The following CAMTA1 variants were observed in gnomAD, a reference collection of about 807,000 sequenced individuals.
The protein encoded by CAMTA1 is calmodulin binding transcription activator 1, also known as calmodulin-binding transcription activator 1.
Under a neutral mutation model 170.9 loss-of-function variants are expected in CAMTA1, and 27 were observed. That is an observed-to-expected ratio of 0.16 (90% CI 0.12 to 0.22). CAMTA1 has a LOEUF of 0.22. Among genes scored for constraint, CAMTA1 ranks in the 10% least tolerant of loss-of-function variants. The pLI is 1.00. For synonymous variants in CAMTA1, 833 were observed against 891.5 expected (o/e 0.93, Z 1.17); for missense variants, 1,619 against 2,217.2 (o/e 0.73, Z 5.42).
chr1:7,333,147 A>G lies in CAMTA1; in HGVS notation c.438+83521A>G, dbSNP rs915442593. On this transcript the variant is annotated intron_variant, in intron 5 of 22. Transcript: ENST00000303635. This position sits in a 1 kb window ranked among gnomAD's most constrained non-coding sequence, Gnocchi z 4.4. Reference sequence around the variant, plus strand: ...AGTGGCAGGTCACCCAGTGACTGGCATTCAGGAGCTAAACTGATTGATGGT... The same window carrying G: ...AGTGGCAGGTCACCCAGTGACTGGCGTTCAGGAGCTAAACTGATTGATGGT... Among the ~76,000 whole-genome samples the G allele has an allele frequency of 3.3e-5, 5 of 152,224 alleles. No individual in the cohort carries two copies. The highest frequency in any genetic ancestry group is 9.6e-5 in the African/African-American group (4 of 41,456).
intron 11 of CAMTA1, among the ~76,000 whole-genome samples, chr1:7,684,387 A>T (rs1015706373): frequency 2.0e-5 from 3 of 152,228 alleles, no homozygotes; most frequent in African/African-American, 7.2e-5. Flanking sequence ...TGCCAGACAA[A>T]TGCCCACCAA....
intron 5 of CAMTA1, among the ~76,000 whole-genome samples, chr1:7,442,334 C>T (rs570195005): frequency 2.6e-5 from 4 of 152,296 alleles, no homozygotes; most frequent in African/African-American, 9.6e-5. Flanking sequence ...CAAGTAGGTG[C>T]CTGCTTCCTG....
intron 3 of CAMTA1, among the ~76,000 whole-genome samples, chr1:6,838,998 C>T (rs1654535986): frequency 6.6e-6 from 1 of 152,090 alleles, no homozygotes; most frequent in South Asian, 2.1e-4. Context: ...CTCAAATGAT[C>T]CTCTTGCCTC....
chr1:7,625,133 A>G (rs2095624653), intron 6 of CAMTA1, among the ~76,000 whole-genome samples: 1 of 152,082 alleles, frequency 6.6e-6, no homozygotes, highest in African/African-American at 2.4e-5. Context: ...GAGCCAGGAA[A>G]GGTTAGCAGT....
intron 11 of CAMTA1, among the ~76,000 whole-genome samples, chr1:7,721,717 T>C (rs1482531020): frequency 6.6e-6 from 1 of 152,146 alleles, no homozygotes; most frequent in Non-Finnish European, 1.5e-5. Context: ...GGGATTTATT[T>C]TACCTTATTT....
At chr1:7,341,050 C>T (rs1378667775) in intron 5 of CAMTA1, among the ~76,000 whole-genome samples, 3 of 152,252 alleles carry the variant, frequency 2.0e-5, no homozygotes. Context: ...TGCCAAGACA[C>T]AGCCTTGATG....
chr1:7,494,803 CA>C (rs565682186), intron 6 of CAMTA1, among the ~76,000 whole-genome samples: 1 of 151,258 alleles, frequency 6.6e-6, no homozygotes, highest in African/African-American at 2.4e-5. Flanking sequence ...GACCCTGTCT[CA>C]AAAAAAATAA....
At chr1:7,578,631 C>T (rs1576193193) in intron 6 of CAMTA1, among the ~76,000 whole-genome samples, 3 of 152,326 alleles carry the variant, frequency 2.0e-5, no homozygotes, top group Admixed American at 2.0e-4. Flanking sequence ...GCTGCTCTAA[C>T]AGAAAACCGC....
At chr1:7,237,549 A>G (rs1369864931) in intron 4 of CAMTA1, among the ~76,000 whole-genome samples, 1 of 152,052 alleles carries the variant, frequency 6.6e-6, no homozygotes, top group African/African-American at 2.4e-5. Flanking sequence ...GAGTGTCTAC[A>G]CTTTTTATTT....
intron 5 of CAMTA1, among the ~76,000 whole-genome samples, chr1:7,421,873 G>A (rs1036365244): frequency 4.0e-5 from 6 of 151,888 alleles, no homozygotes; most frequent in South Asian, 2.1e-4. Context: ...ACCCAGCAGC[G>A]CTCACTCCAC....
chr1:7,426,888 G>A lies in CAMTA1; in HGVS notation c.439-40942G>A, dbSNP rs1430541671. 6.6e-6 allele frequency among the ~76,000 whole-genome samples: 1 copy of A among 152,192 alleles called. No homozygotes were observed. The highest frequency in any genetic ancestry group is 1.5e-5 in the Non-Finnish European group (1 of 68,038). On this transcript the variant is annotated intron_variant, in intron 5 of 22. Coordinates refer to ENST00000303635, the MANE Select transcript of CAMTA1 (RefSeq NM_015215.4). The surrounding 1 kb of genome is among the most constrained non-coding windows in gnomAD (Gnocchi z 4.8). ...GGGAGTCAGGTTGAGATGAAATTTG[G>A]TCCTTAAATCTGGCCTGTGTTTTTA... is the stretch of plus-strand genomic sequence containing the variant.
chr1:7,754,294 C>T (rs561263927), intron 21 of CAMTA1, among the ~76,000 whole-genome samples: 1 of 152,324 alleles, frequency 6.6e-6, no homozygotes, highest in East Asian at 1.9e-4. Context: ...CTTCTTTAGG[C>T]CACTTCAGAC....
At chr1:7,646,570 G>A (rs1266505729) in intron 7 of CAMTA1, among the ~76,000 whole-genome samples, 1 of 151,348 alleles carries the variant, frequency 6.6e-6, no homozygotes, top group Non-Finnish European at 1.5e-5. Flanking sequence ...TTGGGTGGAG[G>A]CCCTGGTGAG....
At chr1:6,841,663 G>A (rs1655766734) in intron 3 of CAMTA1, among the ~76,000 whole-genome samples, 2 of 152,152 alleles carry the variant, frequency 1.3e-5, no homozygotes, top group Non-Finnish European at 2.9e-5. Flanking sequence ...AATGGGAGAC[G>A]GAATGTGGAA....
intron 5 of CAMTA1, among the ~76,000 whole-genome samples, chr1:7,339,248 A>G (rs1223677544): frequency 2.0e-5 from 3 of 152,234 alleles, no homozygotes; most frequent in African/African-American, 7.2e-5. Context: ...AAGCCACTCC[A>G]TTGTATGCTC....
chr1:7,426,671 C>T lies in CAMTA1; in HGVS notation c.439-41159C>T, dbSNP rs747569771. Reference sequence around the variant, plus strand: ...CTGTGCAAAAAAGCAGGGGTTGGGGCGGGGGAAAGGTGGAGAAAACTTCGC... The same window carrying T: ...CTGTGCAAAAAAGCAGGGGTTGGGGTGGGGGAAAGGTGGAGAAAACTTCGC... On this transcript the variant is annotated intron_variant, in intron 5 of 22. Coordinates refer to ENST00000303635, the MANE Select transcript of CAMTA1 (RefSeq NM_015215.4). The surrounding 1 kb of genome is among the most constrained non-coding windows in gnomAD (Gnocchi z 4.8). Among the ~76,000 whole-genome samples the T allele has an allele frequency of 8.9e-5, 13 of 146,804 alleles. No homozygotes were observed. Among genetic ancestry groups the T allele is most frequent in the South Asian group, 2.5e-4 (1 of 3,970 alleles).
rs994981950 is a variant in CAMTA1, at chr1:7,173,384, C to T, written c.303-76107C>T. Reference sequence around the variant, plus strand: ...AAATTTTTGTGGAACTGTGGGAACACACAGTTTAATTTTTTTTTTTAAGAC... The same window carrying T: ...AAATTTTTGTGGAACTGTGGGAACATACAGTTTAATTTTTTTTTTTAAGAC... On this transcript the variant is annotated intron_variant, in intron 4 of 22. Transcript: ENST00000303635. This position sits in a 1 kb window ranked among gnomAD's most constrained non-coding sequence, Gnocchi z 5.4. Among the ~76,000 whole-genome samples, 1 of 152,094 alleles carries T rather than the reference C, an allele frequency of 6.6e-6. No individual in the cohort carries two copies. The highest frequency in any genetic ancestry group is 2.4e-5 in the African/African-American group (1 of 41,422).
rs1266078278 is a variant in CAMTA1 at position 7,609,919 on chromosome 1, T to C, written c.511-30481T>C. 6.6e-6 allele frequency among the ~76,000 whole-genome samples: 1 copy of C among 152,210 alleles called. No homozygotes were observed. Among genetic ancestry groups the C allele is most frequent in the Non-Finnish European group, 1.5e-5 (1 of 68,044 alleles). On this transcript the variant is annotated intron_variant, in intron 6 of 22. Coordinates refer to ENST00000303635, the MANE Select transcript of CAMTA1 (RefSeq NM_015215.4). The surrounding 1 kb of genome is among the most constrained non-coding windows in gnomAD (Gnocchi z 4.4). ...TTCACCTCTCCTGGTCTTCATTCTC[T>C]TATTTGTGAAATGAGAGGGTAAACT... is the stretch of plus-strand genomic sequence containing the variant.
chr1:7,161,770 GC>G (rs1034226244), intron 4 of CAMTA1, among the ~76,000 whole-genome samples: 24 of 152,140 alleles, frequency 1.6e-4, no homozygotes, highest in African/African-American at 5.3e-4. Context: ...TAATATAAGG[GC>G]CCATTCCATC....
Sources: allele counts gnomAD v4.1 joint callset (sites outside exome capture counted in the v4.1 genomes callset), GRCh38; gene constraint gnomAD v4.1.1; non-coding constraint Gnocchi (gnomAD v3.1); transcripts MANE v1.5; gene names NCBI Gene and HGNC (gene_info 2026-07-23, HGNC 2026-07-21).